AUTS2: variants seen among roughly 807,000 people sequenced by gnomAD.
AUTS2 encodes activator of transcription and developmental regulator AUTS2, also known as autism susceptibility gene 2 protein.
In AUTS2, 17 loss-of-function variants were observed where a neutral mutation model predicts 112.4. The ratio of observed to expected loss-of-function variants is 0.15; its 90% CI spans 0.10 to 0.23. AUTS2 has a LOEUF of 0.23. Among genes scored for constraint, AUTS2 ranks in the 10% least tolerant of loss-of-function variants. The pLI, the probability that AUTS2 is intolerant of heterozygous loss-of-function variation, is 1.00. For missense variants in AUTS2, 1,510 were observed against 1,701.6 expected (o/e 0.89, Z 1.98); for synonymous variants, 751 against 702.7 (o/e 1.07, Z -1.09).
At chr7:70,531,908 G>A (rs1046032195) in intron 5 of AUTS2, among the ~76,000 whole-genome samples, 11 of 152,214 alleles carry the variant, frequency 7.2e-5, no homozygotes, top group African/African-American at 2.2e-4. Flanking sequence ...TCAGGCAGGT[G>A]ATTGTACCTC....
At chr7:69,611,074 C>T (rs1793010169) in intron 1 of AUTS2, among the ~76,000 whole-genome samples, 1 of 152,108 alleles carries the variant, frequency 6.6e-6, no homozygotes, top group African/African-American at 2.4e-5. Context: ...AGTAAATTTA[C>T]CCTTTTTATT....
intron 2 of AUTS2, among the ~76,000 whole-genome samples, chr7:69,990,930 A>C (rs1584537908): frequency 6.6e-6 from 1 of 152,188 alleles, no homozygotes; most frequent in Non-Finnish European, 1.5e-5. Context: ...TGTGTTCCTC[A>C]ATCTCTGTGG....
At chr7:69,787,135 T>G (rs1176990954) in intron 1 of AUTS2, among the ~76,000 whole-genome samples, 1 of 152,222 alleles carries the variant, frequency 6.6e-6, no homozygotes, top group East Asian at 1.9e-4. Flanking sequence ...CTAATGGTTT[T>G]CCAAGACTCT....
intron 5 of AUTS2, among the ~76,000 whole-genome samples, chr7:70,487,776 T>C (rs1269636189): frequency 7.2e-5 from 11 of 152,120 alleles, no homozygotes; most frequent in Non-Finnish European, 1.0e-4. Context: ...GCAAGCAAGA[T>C]TCAAGGAGAG....
chr7:70,634,109 T>G lies in AUTS2; in HGVS notation c.691-64460T>G, dbSNP rs2129538899. On this transcript the variant is annotated intron_variant, in intron 5 of 18. Coordinates refer to ENST00000342771, the MANE Select transcript of AUTS2 (RefSeq NM_015570.4). ...ATCAGTGAACAAAACCAGCAAAAGG[T>G]CCCTGCCCTTGTGGTGCTCACCTTC... is the stretch of plus-strand genomic sequence containing the variant. Among the ~76,000 whole-genome samples the G allele has an allele frequency of 1.3e-5, 2 of 151,996 alleles. 1 individual carries two copies. Among genetic ancestry groups the G allele is most frequent in the South Asian group, 4.2e-4 (2 of 4,782 alleles).
chr7:70,531,037 T>C (rs891049734), intron 5 of AUTS2, among the ~76,000 whole-genome samples: 2 of 99,372 alleles, frequency 2.0e-5, no homozygotes, highest in African/African-American at 1.0e-4. Flanking sequence ...TGAGCAGCTG[T>C]GACAGACTGT....
At chr7:70,212,534 A>G (rs1386978092) in intron 4 of AUTS2, among the ~76,000 whole-genome samples, 1 of 152,204 alleles carries the variant, frequency 6.6e-6, no homozygotes, top group African/African-American at 2.4e-5. Context: ...TTCCTAAAAA[A>G]TTGGATAACT....
intron 5 of AUTS2, among the ~76,000 whole-genome samples, chr7:70,539,906 C>A (rs1222355287): frequency 6.6e-6 from 1 of 152,204 alleles, no homozygotes; most frequent in African/African-American, 2.4e-5. Flanking sequence ...GGATGGGCTC[C>A]TCTCTGCAAA....
chr7:70,187,363 A>G (rs1377742302), intron 4 of AUTS2, among the ~76,000 whole-genome samples: 1 of 152,222 alleles, frequency 6.6e-6, no homozygotes, highest in Non-Finnish European at 1.5e-5. Flanking sequence ...GTAATTAGGT[A>G]TATATGTAAA....
intron 5 of AUTS2, among the ~76,000 whole-genome samples, chr7:70,441,234 A>G (rs2130932476): frequency 6.6e-6 from 1 of 152,288 alleles, no homozygotes; most frequent in East Asian, 1.9e-4. Flanking sequence ...AGCAGTAGGA[A>G]CAACCACCTG....
intron 5 of AUTS2, among the ~76,000 whole-genome samples, chr7:70,537,466 A>G (rs1045728853): frequency 6.6e-6 from 1 of 152,168 alleles, no homozygotes; most frequent in Admixed American, 6.5e-5. Context: ...TCCTGAGTTG[A>G]TTTATGTTAT....
At chr7:69,698,436 T>C (rs1463364587) in intron 1 of AUTS2, among the ~76,000 whole-genome samples, 1 of 152,176 alleles carries the variant, frequency 6.6e-6, no homozygotes, top group African/African-American at 2.4e-5. Context: ...TGATGACTTG[T>C]CTACCAAAGG....
chr7:69,876,227 T>C (rs976482455), intron 1 of AUTS2, among the ~76,000 whole-genome samples: 2 of 142,306 alleles, frequency 1.4e-5, no homozygotes, highest in Admixed American at 7.3e-5. Context: ...ATTAGCTGGG[T>C]GTGGTGGCGT....
At chr7:69,766,824 T>TCA (rs1347543457) in intron 1 of AUTS2, among the ~76,000 whole-genome samples, 1 of 152,246 alleles carries the variant, frequency 6.6e-6, no homozygotes, top group Non-Finnish European at 1.5e-5. Context: ...GCCATGCTTC[T>TCA]CACTTTAGGT....
chr7:69,738,827 T>A (rs569105632), intron 1 of AUTS2, among the ~76,000 whole-genome samples: 41 of 152,208 alleles, frequency 2.7e-4, no homozygotes, highest in African/African-American at 8.4e-4. Flanking sequence ...CCCTTGTGAA[T>A]AGGATTTAGC....
chr7:70,077,362 G>C (rs1026762765), intron 2 of AUTS2, among the ~76,000 whole-genome samples: 3 of 152,210 alleles, frequency 2.0e-5, no homozygotes, highest in Non-Finnish European at 1.5e-5. Flanking sequence ...TCCAAACCCA[G>C]ATGTTTTGAG....
chr7:69,606,047 T>G (rs1479786742), intron 1 of AUTS2, among the ~76,000 whole-genome samples: 1 of 152,088 alleles, frequency 6.6e-6, no homozygotes, highest in Non-Finnish European at 1.5e-5. Context: ...ACTTGCACCT[T>G]TTTTTTGGAA....
chr7:69,876,378 A>G (rs867410933), intron 1 of AUTS2, among the ~76,000 whole-genome samples: 28 of 113,116 alleles, frequency 2.5e-4, no homozygotes, highest in Non-Finnish European at 4.1e-4. Context: ...ATATATATAT[A>G]TATATGTATA....
chr7:70,104,383 C>T (rs925867524), intron 2 of AUTS2, among the ~76,000 whole-genome samples: 1 of 152,012 alleles, frequency 6.6e-6, no homozygotes, highest in Non-Finnish European at 1.5e-5. Flanking sequence ...AGTTTCAGTA[C>T]ACATTGGCGA....
Sources: allele counts gnomAD v4.1 joint callset (sites outside exome capture counted in the v4.1 genomes callset), GRCh38; gene constraint gnomAD v4.1.1; transcripts MANE v1.5; gene names NCBI Gene and HGNC (gene_info 2026-07-23, HGNC 2026-07-21).